SPAG6: variants seen among roughly 807,000 people sequenced by gnomAD.
The protein encoded by SPAG6 is sperm associated antigen 6.
Under a neutral mutation model 58.5 loss-of-function variants are expected in SPAG6, and 49 were observed. The ratio of observed to expected loss-of-function variants is 0.84; its 90% CI spans 0.67 to 1.06. The LOEUF (loss-of-function observed/expected upper bound fraction) is 1.06. SPAG6 is among the 50% of genes least tolerant of loss of function. The pLI is 0.00. For synonymous variants in SPAG6, 233 were observed against 225.6 expected (o/e 1.03, Z -0.29); for missense variants, 560 against 611.3 (o/e 0.92, Z 0.89).
intron 3 of SPAG6, among the ~76,000 whole-genome samples, chr10:22,367,666 A>G (rs1192096874): frequency 6.6e-6 from 1 of 152,206 alleles, no homozygotes; most frequent in Non-Finnish European, 1.5e-5. Flanking sequence ...CCATAAAACC[A>G]TAGTGAGTGT....
chr10:22,383,500 G>A (rs1308825979), intron 4 of SPAG6, among the ~76,000 whole-genome samples: 3 of 152,022 alleles, frequency 2.0e-5, no homozygotes, highest in Admixed American at 1.3e-4. Flanking sequence ...TTAGCTGGGC[G>A]TGGTGGCAGT....
At chr10:22,401,129 A>C (rs1469732033) in intron 8 of SPAG6, 32 bp from the exon 9 acceptor site, 3 of 946,520 alleles carry the variant, frequency 3.2e-6, no homozygotes, top group Non-Finnish European at 5.1e-6. Context: ...TTGATTACTT[A>C]CTTATGTATA....
In SPAG6 at chr10:22,345,666, T is replaced by C. The variant is rs1836499840; in HGVS notation, c.25+30T>C. The stretch of plus-strand genomic sequence containing the variant: ...GGCCGAGGCGGGCAGGTGCCCTAAC[T>C]AGCTGGCGCCGAGGAGACCCGGGTG... On this transcript the variant is annotated intron_variant, in intron 1 of 10. Coordinates refer to ENST00000376624, the MANE Select transcript of SPAG6 (RefSeq NM_012443.4). This position sits in a 1 kb window ranked among gnomAD's most constrained non-coding sequence, Gnocchi z 6.3. The C allele has an allele frequency of 6.4e-7, 1 of 1,568,648 alleles. No individual in the cohort carries two copies.
At chr10:22,393,130 G>T (rs917894079) in intron 8 of SPAG6, among the ~76,000 whole-genome samples, 18 of 152,058 alleles carry the variant, frequency 1.2e-4, no homozygotes, top group Non-Finnish European at 1.5e-5. Context: ...GCTTTAAGTT[G>T]TCCAAGCACA....
chr10:22,367,035 A>G (rs1380479599), intron 3 of SPAG6, among the ~76,000 whole-genome samples: 2 of 151,188 alleles, frequency 1.3e-5, no homozygotes, highest in African/African-American at 4.9e-5. Context: ...ATTTCTTTTA[A>G]TGAGGAATGG....
chr10:22,383,339 G>A (rs201404987), intron 4 of SPAG6, among the ~76,000 whole-genome samples: 2 of 151,838 alleles, frequency 1.3e-5, no homozygotes, highest in African/African-American at 2.4e-5. Flanking sequence ...GGTTTTTTTC[G>A]AGTAGAAAAT....
chr10:22,380,343 G>T (rs1833921372), intron 4 of SPAG6, among the ~76,000 whole-genome samples: 1 of 151,894 alleles, frequency 6.6e-6, no homozygotes, highest in Non-Finnish European at 1.5e-5. Flanking sequence ...TTGCTCTTTT[G>T]CCCAGGCTGA....
At chr10:22,391,411 G>T (rs539371440) in intron 7 of SPAG6, among the ~76,000 whole-genome samples, 2 of 152,170 alleles carry the variant, frequency 1.3e-5, no homozygotes, top group East Asian at 3.9e-4. Flanking sequence ...TTTTTATTTA[G>T]TCACAGTAAA....
intron 8 of SPAG6, among the ~76,000 whole-genome samples, chr10:22,396,773 G>A (rs1387425663): frequency 6.6e-6 from 1 of 152,144 alleles, no homozygotes; most frequent in African/African-American, 2.4e-5. Context: ...GATACAGTCA[G>A]TTTTTAGAAA....
At position 22,366,312 on chromosome 10, in the gene SPAG6, G is replaced by A. The variant is rs183031354; in HGVS notation, c.288+1293G>A. ...AAGTGCAAGAAGCCAGACACAAAAG[G>A]CCACAGATTGTATGGTTCCATTTAT... On this transcript the variant is annotated intron_variant, in intron 3 of 10. Coordinates refer to ENST00000376624, the MANE Select transcript of SPAG6 (RefSeq NM_012443.4). Among the ~76,000 whole-genome samples, 8 of 152,258 alleles carry A rather than the reference G, an allele frequency of 5.3e-5. No homozygotes were observed. In the East Asian group the frequency reaches 1.2e-3, roughly 22 times the overall value.
At position 22,345,758 on chromosome 10, in the gene SPAG6, G is replaced by A; in HGVS notation, c.61G>A (p.Val21Met). The A allele has an allele frequency of 6.2e-7, 1 of 1,613,724 alleles. No individual in the cohort carries two copies. The highest frequency in any genetic ancestry group is 8.5e-7 in the Non-Finnish European group (1 of 1,179,852). Residue 21 changes from valine to methionine, a missense_variant, in exon 2 of 11, where the codon GTG becomes ATG. Coordinates refer to ENST00000376624, the MANE Select transcript of SPAG6 (RefSeq NM_012443.4). This position sits in a 1 kb window ranked among gnomAD's most constrained non-coding sequence, Gnocchi z 6.3. The part of the protein sequence containing the change: ...EQYQKARTQF[V>M]QMVAELATRP... ...ATACCAGAAGGCCAGGACCCAGTTC[G>A]TGCAGATGGTGGCGGAGCTGGCGAC... is the stretch of plus-strand genomic sequence containing the variant.
At chr10:22,349,464 A>G (rs949306247) in intron 2 of SPAG6, among the ~76,000 whole-genome samples, 2 of 152,184 alleles carry the variant, frequency 1.3e-5, no homozygotes, top group African/African-American at 4.8e-5. Flanking sequence ...AATTTCAGCA[A>G]TTGGAGGTGT....
intron 4 of SPAG6, among the ~76,000 whole-genome samples, chr10:22,371,037 G>A (rs1833673102): frequency 6.6e-6 from 1 of 152,054 alleles, no homozygotes; most frequent in Non-Finnish European, 1.5e-5. Flanking sequence ...TCTGTCTTAG[G>A]GGTTCCATTC....
chr10:22,399,950 T>A (rs1834372561), intron 8 of SPAG6, among the ~76,000 whole-genome samples: 2 of 152,194 alleles, frequency 1.3e-5, no homozygotes, highest in South Asian at 4.1e-4. Context: ...ACATTCCTTG[T>A]TTTATTTAAT....
At chr10:22,351,121 C>T (rs1836716287) in intron 2 of SPAG6, among the ~76,000 whole-genome samples, 1 of 152,194 alleles carries the variant, frequency 6.6e-6, no homozygotes, top group Non-Finnish European at 1.5e-5. Context: ...GTACCAATGG[C>T]TGTCCAATAA....
chr10:22,368,687 A>G lies in SPAG6; in HGVS notation c.472+9A>G, dbSNP rs749402664. On this transcript the variant is annotated intron_variant, in intron 4 of 10. Transcript: ENST00000376624. Reference sequence around the variant, plus strand: ...TGCAAGACATAATGCAGGTAATTTAAAATATGCAGGAGCATATTTTAAAAT... The same window carrying G: ...TGCAAGACATAATGCAGGTAATTTAGAATATGCAGGAGCATATTTTAAAAT... 5.6e-6 allele frequency: 9 copies of G among 1,597,430 alleles called. No homozygotes were observed. The East Asian group carries it at 1.8e-4, about 32-fold the overall frequency.
intron 2 of SPAG6, among the ~76,000 whole-genome samples, 191 bp from the exon 3 acceptor site, chr10:22,364,650 TACTGCATGTTTA>T (rs1837142281): frequency 2.6e-5 from 4 of 152,250 alleles, no homozygotes. Flanking sequence ...TTCCATGCTC[TACTGCATGTTTA>T]ACAATGATCG....
At chr10:22,414,603 G>C (rs1480179073) in intron 10 of SPAG6, among the ~76,000 whole-genome samples, 1 of 152,054 alleles carries the variant, frequency 6.6e-6, no homozygotes. Context: ...TGGCTACTGA[G>C]GACTAGAAAA....
In SPAG6 at chr10:22,364,358, A is replaced by T. The variant is rs116787301; in HGVS notation, c.122-495A>T. Among the ~76,000 whole-genome samples, 748 of 152,342 alleles carry T rather than the reference A, an allele frequency of 4.9e-3. 7 individuals carry two copies. The highest frequency in any genetic ancestry group is 0.017 in the African/African-American group (701 of 41,580). On this transcript the variant is annotated intron_variant, in intron 2 of 10. Transcript: ENST00000376624. ...GCTGTTGTGGTGATGATGATGATAT[A>T]CCTACTATGCATTCAACCCTTGGAT...
Sources: allele counts gnomAD v4.1 joint callset (sites outside exome capture counted in the v4.1 genomes callset), GRCh38; gene constraint gnomAD v4.1.1; non-coding constraint Gnocchi (gnomAD v3.1); transcripts MANE v1.5; gene names NCBI Gene and HGNC (gene_info 2026-07-23, HGNC 2026-07-21).